ANK2: variants seen among roughly 807,000 people sequenced by gnomAD.
ANK2 encodes ankyrin 2, also known as ankyrin-2.
In ANK2, 83 loss-of-function variants were observed where a neutral mutation model predicts 360.5. The observed-to-expected ratio is 0.23, with a 90% CI of 0.19 to 0.28. ANK2 has a LOEUF of 0.28. ANK2 is among the 10% of genes least tolerant of loss of function. The probability of loss-of-function intolerance (pLI) is 1.00; values close to 1 mark genes in which losing one functional copy is unlikely to be tolerated. For synonymous variants in ANK2, 1,740 were observed against 1,759.5 expected (o/e 0.99, Z 0.28); for missense variants, 4,201 against 4,795.7 (o/e 0.88, Z 3.66).
At chr4:113,045,591 A>G (rs891656222), upstream of ANK2, among the ~76,000 whole-genome samples, 3 of 152,164 alleles carry the variant, frequency 2.0e-5, no homozygotes, top group African/African-American at 7.2e-5. Flanking sequence ...GTATTTATTG[A>G]GTATCTGTCA....
At chr4:112,900,213 G>C (rs2082902585) in intron 1 of ANK2, among the ~76,000 whole-genome samples, 1 of 151,878 alleles carries the variant, frequency 6.6e-6, no homozygotes, top group Non-Finnish European at 1.5e-5. Context: ...CATTTTACCT[G>C]TGAATGTTTT....
intron 1 of ANK2, among the ~76,000 whole-genome samples, chr4:112,895,933 T>A (rs1427403101): frequency 6.6e-6 from 1 of 152,258 alleles, no homozygotes; most frequent in Non-Finnish European, 1.5e-5. Context: ...TCAGCGTTGC[T>A]GCATTGTGGC....
chr4:113,160,230 T>G, intron 1 of ANK2: 2 of 274,800 alleles, frequency 7.3e-6, no homozygotes, highest in Non-Finnish European at 1.4e-5. Flanking sequence ...TAAAGGAAAC[T>G]TAAAAAAATT....
chr4:113,042,498 C>G (rs937613142), intron 2 of ANK2, among the ~76,000 whole-genome samples: 1 of 152,188 alleles, frequency 6.6e-6, no homozygotes, highest in African/African-American at 2.4e-5. Context: ...TCCCAAAGGC[C>G]TTGTCTTCCA....
intron 1 of ANK2, among the ~76,000 whole-genome samples, chr4:113,162,833 G>T (rs564773649): frequency 6.6e-6 from 1 of 150,594 alleles, no homozygotes; most frequent in Non-Finnish European, 1.5e-5. Flanking sequence ...CTAACACAGC[G>T]CCTGGTACAT....
intron 2 of ANK2, among the ~76,000 whole-genome samples, chr4:112,941,129 A>G (rs889364971): frequency 7.2e-5 from 11 of 151,908 alleles, no homozygotes; most frequent in Non-Finnish European, 2.9e-5. Context: ...TTAAAATCAT[A>G]TGGGTAGAAG....
chr4:113,254,756 G>A (rs543495586), intron 10 of ANK2, among the ~76,000 whole-genome samples: 3 of 152,214 alleles, frequency 2.0e-5, no homozygotes, highest in East Asian at 1.9e-4. Flanking sequence ...ATATTGGGCG[G>A]GGGGCCTTTT....
chr4:112,858,892 A>C (rs1579870683), intron 1 of ANK2, among the ~76,000 whole-genome samples: 1 of 152,342 alleles, frequency 6.6e-6, no homozygotes, highest in Middle Eastern at 3.4e-3. Flanking sequence ...TCCTGGGGAC[A>C]TGGGTCTCCT....
the ANK2 span, among the ~76,000 whole-genome samples, chr4:112,731,584 G>T: frequency 2.0e-5 from 3 of 151,710 alleles, no homozygotes. Context: ...TACAAAAATT[G>T]TGGGGTGTGT....
At chr4:113,287,171 T>C (rs961648787) in intron 18 of ANK2, among the ~76,000 whole-genome samples, 1 of 152,228 alleles carries the variant, frequency 6.6e-6, no homozygotes, top group Admixed American at 6.5e-5. Context: ...GTCCATTTTT[T>C]ACACTGATGT....
rs1262059297 is a variant in ANK2, at chr4:113,350,239, A to G, written c.4416A>G (p.Thr1472=). The part of the protein sequence containing the change: ...DQEQEEEIDM[T]SEKNDETEST... Reference sequence around the variant, plus strand: ...ATGTTTTCTTTCAGATCGATATGACATCAGAAAAAAGTAAGAATTTAAAGA... The same window carrying G: ...ATGTTTTCTTTCAGATCGATATGACGTCAGAAAAAAGTAAGAATTTAAAGA... The change falls in exon 37 of 46, where the codon ACA becomes ACG. Residue 1472 remains threonine (T), a synonymous_variant. Coordinates refer to ENST00000357077, the MANE Select transcript of ANK2 (RefSeq NM_001148.6). 1 of 1,607,380 alleles carries G rather than the reference A, an allele frequency of 6.2e-7. No individual in the cohort carries two copies. The highest frequency in any genetic ancestry group is 1.1e-5 in the South Asian group (1 of 90,660).
chr4:112,840,276 G>C (rs2061824606), intron 1 of ANK2, among the ~76,000 whole-genome samples: 1 of 152,206 alleles, frequency 6.6e-6, no homozygotes, highest in South Asian at 2.1e-4. Flanking sequence ...GACATGGTAG[G>C]AGTGAGGTAG....
chr4:113,343,370 T>C (rs1157495921), intron 34 of ANK2, among the ~76,000 whole-genome samples: 1 of 152,192 alleles, frequency 6.6e-6, no homozygotes, highest in Non-Finnish European at 1.5e-5. Flanking sequence ...GGACAAATAA[T>C]AGCCAACTCA....
At chr4:113,034,199 C>T (rs980731687) in intron 2 of ANK2, among the ~76,000 whole-genome samples, 23 of 151,766 alleles carry the variant, frequency 1.5e-4, no homozygotes, top group African/African-American at 5.6e-4. Flanking sequence ...ATATCAAGAG[C>T]GGAAATCAAG....
intron 1 of ANK2, among the ~76,000 whole-genome samples, chr4:112,858,756 C>T (rs1372602212): frequency 6.6e-6 from 1 of 152,180 alleles, no homozygotes; most frequent in Non-Finnish European, 1.5e-5. Context: ...CTTTTCTTGA[C>T]TTTCTCTTCA....
intron 1 of ANK2, among the ~76,000 whole-genome samples, chr4:112,836,272 G>T (rs2060964466): frequency 6.6e-6 from 1 of 152,100 alleles, no homozygotes; most frequent in Non-Finnish European, 1.5e-5. Flanking sequence ...AAGGTGCCTT[G>T]CTTCCCCTTC....
chr4:112,784,785 G>T, the ANK2 span, among the ~76,000 whole-genome samples: 1 of 152,062 alleles, frequency 6.6e-6, no homozygotes, highest in South Asian at 2.1e-4. Flanking sequence ...ATCTTATTTT[G>T]CTTTATGAAC....
At chr4:112,713,789 C>T in the ANK2 span, among the ~76,000 whole-genome samples, 2 of 151,900 alleles carry the variant, frequency 1.3e-5, no homozygotes, top group Non-Finnish European at 2.9e-5. Context: ...AAAAAATTAG[C>T]CGGGCGTGGT....
chr4:112,886,104 A>C (rs1024999668), intron 1 of ANK2, among the ~76,000 whole-genome samples: 1 of 152,116 alleles, frequency 6.6e-6, no homozygotes, highest in African/African-American at 2.4e-5. Context: ...TGGCAGTCAC[A>C]GAAGTCTGTC....
Sources: gnomAD v4.1 joint callset for allele counts (sites outside exome capture counted in the v4.1 genomes callset) on GRCh38, gnomAD v4.1.1 for gene constraint, MANE v1.5 for transcripts, NCBI Gene and HGNC (gene_info 2026-07-23, HGNC 2026-07-21) for gene names.